Variants in RBFOX1 observed in about 807,000 individuals in gnomAD.
The protein encoded by RBFOX1 is RNA binding fox-1 homolog 1.
In RBFOX1, 8 loss-of-function variants were observed where a neutral mutation model predicts 57.7. The ratio of observed to expected loss-of-function variants is 0.14; its 90% confidence interval spans 0.08 to 0.25. The LOEUF is 0.25. Ranked by LOEUF, RBFOX1 falls within the 10% of genes least tolerant of loss-of-function variation. The pLI, the probability that RBFOX1 is intolerant of heterozygous loss-of-function variation, is 1.00. For synonymous variants in RBFOX1, 326 were observed against 222.4 expected, an observed-to-expected ratio of 1.47 and a Z score of -4.15; for missense variants, 611 against 548.5, an observed-to-expected ratio of 1.11 and a Z score of -1.14.
intron 3 of RBFOX1, among the ~76,000 whole-genome samples, chr16:6,919,480 C>G (rs994268922): frequency 7.9e-5 from 12 of 151,790 alleles, no homozygotes; most frequent in African/African-American, 2.9e-4. Context: ...TTCTCAGCAT[C>G]ACACACTAAT....
At chr16:5,647,240 G>C (rs1567342922) in intron 3 of RBFOX1, among the ~76,000 whole-genome samples, 1 of 152,206 alleles carries the variant, frequency 6.6e-6, no homozygotes, top group Non-Finnish European at 1.5e-5. Context: ...GAGGCAACAG[G>C]AGGTGAGGTC....
At chr16:7,194,765 A>G (rs1324154922) in intron 4 of RBFOX1, among the ~76,000 whole-genome samples, 2 of 102,406 alleles carry the variant, frequency 2.0e-5, no homozygotes, top group African/African-American at 7.8e-5. Flanking sequence ...TCATCTCTAC[A>G]AAAACTACAA....
chr16:6,254,620 C>G (rs570642272), intron 1 of RBFOX1, among the ~76,000 whole-genome samples: 1 of 152,104 alleles, frequency 6.6e-6, no homozygotes, highest in Non-Finnish European at 1.5e-5. Context: ...CCTTCATAAA[C>G]CTTTGACTGA....
intron 4 of RBFOX1, among the ~76,000 whole-genome samples, chr16:7,425,195 G>C (rs2098598575): frequency 6.6e-6 from 1 of 152,154 alleles, no homozygotes; most frequent in Non-Finnish European, 1.5e-5. Context: ...TTTTGCTGTA[G>C]AATGCTAGAA....
intron 2 of RBFOX1, among the ~76,000 whole-genome samples, chr16:6,530,489 G>A (rs999525478): frequency 3.3e-5 from 5 of 152,206 alleles, no homozygotes; most frequent in African/African-American, 1.2e-4. Context: ...TCTTTCTCAC[G>A]ATGCATAACT....
chr16:7,044,136 G>C (rs1352770465), intron 3 of RBFOX1, among the ~76,000 whole-genome samples: 1 of 152,076 alleles, frequency 6.6e-6, no homozygotes, highest in East Asian at 1.9e-4. Context: ...GACAGTGTCT[G>C]ACATCCAGAA....
intron 10 of RBFOX1, among the ~76,000 whole-genome samples, chr16:7,613,616 G>A (rs1029628984): frequency 6.6e-6 from 1 of 152,038 alleles, no homozygotes; most frequent in Non-Finnish European, 1.5e-5. Context: ...TTTGACCTCG[G>A]ATTTACCCAT....
At chr16:7,613,024 A>C (rs981596074) in intron 10 of RBFOX1, among the ~76,000 whole-genome samples, 4 of 152,350 alleles carry the variant, frequency 2.6e-5, no homozygotes, top group South Asian at 2.1e-4. Context: ...AGACGTGATC[A>C]ATAGGGAAAG....
At chr16:5,653,086 C>T (rs1296390031) in intron 3 of RBFOX1, among the ~76,000 whole-genome samples, 3 of 145,952 alleles carry the variant, frequency 2.1e-5, no homozygotes, top group African/African-American at 8.2e-5. Context: ...AGGTGGGGTG[C>T]TGAGTTGTGT....
chr16:7,684,440 A>G (rs115024137), intron 14 of RBFOX1, among the ~76,000 whole-genome samples: 1 of 152,060 alleles, frequency 6.6e-6, no homozygotes, highest in Non-Finnish European at 1.5e-5. Context: ...ATACATTATG[A>G]TGTGTGACTG....
intron 2 of RBFOX1, among the ~76,000 whole-genome samples, chr16:6,496,745 A>C (rs959792723): frequency 6.6e-6 from 1 of 152,114 alleles, no homozygotes. Flanking sequence ...GGATCGCTTG[A>C]GGTCAGGAGT....
intron 13 of RBFOX1, among the ~76,000 whole-genome samples, chr16:7,673,933 T>G (rs1055548639): frequency 6.6e-6 from 1 of 152,186 alleles, no homozygotes; most frequent in Non-Finnish European, 1.5e-5. Context: ...GTGACAGCAA[T>G]TGAAAGTGAG....
intron 4 of RBFOX1, among the ~76,000 whole-genome samples, chr16:7,223,714 A>G (rs981932425): frequency 3.8e-5 from 2 of 52,714 alleles, no homozygotes; most frequent in African/African-American, 9.1e-5. Flanking sequence ...GTGTTTCAGA[A>G]AAAAAAAAAA....
At chr16:5,773,778 A>G (rs1222699399) in intron 3 of RBFOX1, among the ~76,000 whole-genome samples, 1 of 151,126 alleles carries the variant, frequency 6.6e-6, no homozygotes, top group African/African-American at 2.4e-5. Flanking sequence ...GCTCACTGCA[A>G]CCTCCATCTT....
chr16:7,155,660 A>G (rs1380457397), intron 4 of RBFOX1, among the ~76,000 whole-genome samples: 2 of 141,382 alleles, frequency 1.4e-5, no homozygotes, highest in Non-Finnish European at 3.0e-5. Context: ...GCCATGGAAG[A>G]GCTATCAGCC....
At chr16:7,236,936 C>A (rs757911081) in intron 4 of RBFOX1, among the ~76,000 whole-genome samples, 6 of 152,076 alleles carry the variant, frequency 3.9e-5, no homozygotes, top group Non-Finnish European at 5.9e-5. Flanking sequence ...GATCTGCCTG[C>A]CTCTGTGTTG....
At chr16:7,061,117 C>A (rs1022957820) in intron 4 of RBFOX1, among the ~76,000 whole-genome samples, 1 of 152,146 alleles carries the variant, frequency 6.6e-6, no homozygotes, top group Non-Finnish European at 1.5e-5. Context: ...ATGGTCCCAA[C>A]TTTGTGATTT....
intron 2 of RBFOX1, among the ~76,000 whole-genome samples, chr16:5,566,325 G>T (rs536313863): frequency 1.3e-5 from 2 of 152,250 alleles, no homozygotes; most frequent in African/African-American, 2.4e-5. Flanking sequence ...ACTGTCGGAA[G>T]ATAGACCGTT....
At chr16:6,045,683 T>TA (rs1464659698) in intron 1 of RBFOX1, among the ~76,000 whole-genome samples, 3 of 152,124 alleles carry the variant, frequency 2.0e-5, no homozygotes, top group Non-Finnish European at 4.4e-5. Context: ...ACTAAATAAA[T>TA]ATGAGTCAAC....
Sources: allele counts gnomAD v4.1 joint callset (sites outside exome capture counted in the v4.1 genomes callset), GRCh38; gene constraint gnomAD v4.1.1; transcripts MANE v1.5; gene names NCBI Gene and HGNC (gene_info 2026-07-23, HGNC 2026-07-21).